Variants in ICE1 observed in about 807,000 individuals in gnomAD.
The protein encoded by ICE1 is little elongation complex subunit 1.
A neutral mutation model predicts 192.7 loss-of-function variants in ICE1; 64 were observed. The ratio of observed to expected loss-of-function variants is 0.33; its 90% CI spans 0.27 to 0.41. ICE1 has a LOEUF of 0.41. ICE1 is among the 10% of genes least tolerant of loss of function. The pLI is 1.00. For synonymous variants in ICE1, 1,010 were observed against 984.5 expected (o/e 1.03, Z -0.49); for missense variants, 2,708 against 2,696.0 (o/e 1.00, Z -0.10).
At chr5:5,433,805 A>T (rs1737792581) in intron 1 of ICE1, among the ~76,000 whole-genome samples, 1 of 152,136 alleles carries the variant, frequency 6.6e-6, no homozygotes, top group Non-Finnish European at 1.5e-5. Flanking sequence ...ACAATTCTGT[A>T]CCTAGCAAAG....
intron 4 of ICE1, 36 bp downstream of exon 4, chr5:5,439,949 T>TA: frequency 1.4e-6 from 2 of 1,460,662 alleles, no homozygotes; most frequent in South Asian, 2.6e-5. Context: ...TGATACCACC[T>TA]ATATGAGTAG....
At chr5:5,430,330 A>G (rs887880324) in intron 1 of ICE1, among the ~76,000 whole-genome samples, 3 of 152,258 alleles carry the variant, frequency 2.0e-5, no homozygotes, top group Non-Finnish European at 4.4e-5. Flanking sequence ...GAGTATTACA[A>G]TATCTGACCA....
At chr5:5,451,092 A>T (rs1017232085) in intron 10 of ICE1, among the ~76,000 whole-genome samples, 3 of 152,140 alleles carry the variant, frequency 2.0e-5, no homozygotes, top group African/African-American at 7.2e-5. Flanking sequence ...CTTTTAATAA[A>T]AATCCCCCTC....
intron 1 of ICE1, among the ~76,000 whole-genome samples, chr5:5,429,096 A>C (rs1737617409): frequency 6.6e-6 from 1 of 152,194 alleles, no homozygotes; most frequent in Non-Finnish European, 1.5e-5. Context: ...TTCCCAGTAG[A>C]GTCACACAGC....
rs764060709 is a variant in ICE1, at chr5:5,462,879, G to C, written c.3545G>C (p.Cys1182Ser). ...GAGGTTGTGATGTTTCTTGAGAGCTGTCAGTTAGGGGATTATAGTTCAGGG... is the reference window on the plus strand; with the variant it reads ...GAGGTTGTGATGTTTCTTGAGAGCTCTCAGTTAGGGGATTATAGTTCAGGG... ...TSEVVMFLES[C>S]QLGDYSSGDS... Residue 1182 changes from cysteine (C) to serine (S), a missense_variant, in exon 13 of 19, where the codon TGT (cysteine) becomes TCT (serine). Cys to Ser is a moderately radical substitution (Grantham distance 112). Transcript: ENST00000296564. 6.2e-7 allele frequency: 1 copy of C among 1,608,914 alleles called. No individual in the cohort carries two copies. Among genetic ancestry groups the C allele is most frequent in the Non-Finnish European group, 8.5e-7 (1 of 1,177,220 alleles).
At position 5,461,772 on chromosome 5, in the gene ICE1, A is replaced by C; in HGVS notation, c.2438A>C (p.Gln813Pro). The C allele has an allele frequency of 6.2e-7, 1 of 1,613,942 alleles. No individual in the cohort carries two copies. Reference protein sequence around the residue: ...ESLRAKSEHEQKTSHQLQKAM... With the variant: ...ESLRAKSEHEPKTSHQLQKAM... ...CTGAGAGCCAAATCAGAACATGAAC[A>C]GAAGACTAGCCATCAGTTACAAAAG... is the stretch of plus-strand genomic sequence containing the variant. Residue 813 changes from glutamine (Q) to proline (P), a missense_variant, in exon 13 of 19, where the codon CAG becomes CCG. Transcript: ENST00000296564.
At chr5:5,444,470 T>C (rs1368265712) in intron 7 of ICE1, 144 bp downstream of exon 7, 3 of 577,688 alleles carry the variant, frequency 5.2e-6, no homozygotes, top group Admixed American at 6.4e-5. Context: ...AGGGGTCTAT[T>C]AGAAAGAAGT....
Position 5,462,024 on chromosome 5 carries a change from G to T in ICE1, c.2690G>T (p.Gly897Val), listed in dbSNP as rs554602240. Residue 897 changes from glycine (G) to valine (V), a missense_variant, in exon 13 of 19, where the codon GGT (glycine) becomes GTT (valine). Gly to Val is a moderately radical substitution (Grantham distance 109). Around this residue, in one of 2 missense-constraint regions of ICE1, gnomAD observed 2,366 missense variants for 2,276.6 expected, o/e 1.04. Coordinates refer to ENST00000296564, the MANE Select transcript of ICE1 (RefSeq NM_015325.3). ...ACAGAAAATAGTGGCAACAAAACCG[G>T]TATGTCAACTGTAGCAAAATGTGAT... ...LVTENSGNKT[G>V]MSTVAKCDGE... 6.2e-7 allele frequency: 1 copy of T among 1,613,956 alleles called. No homozygotes were observed. Among genetic ancestry groups the T allele is most frequent in the East Asian group, 2.2e-5 (1 of 44,876 alleles).
intron 17 of ICE1, 121 bp from the exon 18 acceptor site, chr5:5,486,600 T>G: frequency 1.5e-6 from 1 of 659,792 alleles, no homozygotes; most frequent in Non-Finnish European, 2.7e-6. Context: ...TATAGGTGAT[T>G]GCAAGACGAA....
rs1397087401 is a variant in ICE1 at position 5,454,602 on chromosome 5, C to G, written c.655C>G (p.His219Asp). ...KELWLCVNTT[H>D]RLPGEGSRCV... The stretch of plus-strand genomic sequence containing the variant: ...ACTCTGGCTCTGTGTAAACACAACA[C>G]ACAGACTACCTGGTGAAGGCAGCAG... Residue 219 changes from histidine to aspartate, a missense_variant, in exon 11 of 19, where the codon CAC (histidine) becomes GAC (aspartate). Coordinates refer to ENST00000296564, the MANE Select transcript of ICE1 (RefSeq NM_015325.3). The G allele has an allele frequency of 6.2e-7, 1 of 1,613,462 alleles. No homozygotes were observed. Among genetic ancestry groups the G allele is most frequent in the African/African-American group, 1.3e-5 (1 of 74,898 alleles).
Position 5,423,017 on chromosome 5 carries a change from GC to G in ICE1, c.84+22del, listed in dbSNP as rs1341059888. 15 of 1,357,310 alleles carry G rather than the reference GC, an allele frequency of 1.1e-5. No homozygotes were observed. The highest frequency in any genetic ancestry group is 2.7e-4 in the Middle Eastern group (1 of 3,720). The allele number at this position is 1,357,310 out of a possible 1,614,324, so 84.1% of individuals were successfully genotyped here. Reference sequence around the variant, plus strand: ...TGCAGCAGGTGCAGCACCTCCCGGGGCCCCGGGCGCGGGGGGGGACTCGGCT... The same window carrying G: ...TGCAGCAGGTGCAGCACCTCCCGGGGCCCGGGCGCGGGGGGGGACTCGGCT... On this transcript the variant is annotated intron_variant, in intron 1 of 18. Transcript: ENST00000296564.
At chr5:5,441,305 T>C in intron 5 of ICE1, 82 bp downstream of exon 5, 1 of 846,578 alleles carries the variant, frequency 1.2e-6, no homozygotes, top group Non-Finnish European at 1.9e-6. Context: ...CGAGGGGGCT[T>C]TTGATGTGTT....
intron 17 of ICE1, among the ~76,000 whole-genome samples, chr5:5,479,274 G>C (rs1451309226): frequency 6.6e-6 from 1 of 151,490 alleles, no homozygotes; most frequent in Non-Finnish European, 1.5e-5. Context: ...CTATCAAAAA[G>C]TGGGCAAAGG....
At position 5,461,817 on chromosome 5, in the gene ICE1, A is replaced by G. The variant is rs372998556; in HGVS notation, c.2483A>G (p.Asn828Ser). 1.2e-6 allele frequency: 2 copies of G among 1,613,930 alleles called. No homozygotes were observed. Among genetic ancestry groups the G allele is most frequent in the Non-Finnish European group, 1.7e-6 (2 of 1,179,904 alleles). ...QLQKAMPFLQ[N>S]RGPTPKPDLL... ...CAAAAGGCAATGCCATTCCTACAAA[A>G]TAGAGGACCAACACCCAAGCCTGAT... The change falls in exon 13 of 19, where the codon AAT becomes AGT. Residue 828 changes from asparagine (N) to serine (S), a missense_variant. Asn to Ser is a conservative substitution (Grantham distance 46). Transcript: ENST00000296564.
intron 2 of ICE1, among the ~76,000 whole-genome samples, chr5:5,436,868 C>T (rs1737884778): frequency 6.6e-6 from 1 of 152,104 alleles, no homozygotes; most frequent in Admixed American, 6.6e-5. Flanking sequence ...AGCCAAGATA[C>T]TACTCAGATC....
chr5:5,489,145 T>G lies in ICE1; in HGVS notation c.6620-4T>G. ...TTTATGACTGATCTGAAATTTCTTT[T>G]CAGATATACCATGGGGTATACAGTT... On this transcript the variant is annotated splice_polypyrimidine_tract_variant and splice_region_variant and intron_variant, in intron 18 of 18. Transcript: ENST00000296564. 12 of 1,608,098 alleles carry G rather than the reference T, an allele frequency of 7.5e-6. No individual in the cohort carries two copies. The highest frequency in any genetic ancestry group is 1.0e-5 in the Non-Finnish European group (12 of 1,178,354).
chr5:5,440,761 C>A (rs995104112), intron 4 of ICE1, among the ~76,000 whole-genome samples: 8 of 151,892 alleles, frequency 5.3e-5, no homozygotes, highest in Non-Finnish European at 1.2e-4. Flanking sequence ...GTGGCACATA[C>A]CTGTAGTCCC....
Position 5,447,732 on chromosome 5 carries a change from C to T in ICE1, c.519C>T (p.Asp173=), listed in dbSNP as rs773895516. 13 of 1,583,056 alleles carry T rather than the reference C, an allele frequency of 8.2e-6. No homozygotes were observed. Among genetic ancestry groups the T allele is most frequent in the Middle Eastern group, 1.7e-4 (1 of 6,012 alleles). Residue 173 remains aspartate, a synonymous_variant, in exon 9 of 19, where the codon GAC becomes GAT. Transcript: ENST00000296564. The stretch of plus-strand genomic sequence containing the variant: ...TTTTGTTTTCACAGGAAAGGCTTGA[C>T]GAATTTTCTAAACAGAAAAATGAAA... ...KEFKKTQERL[D]EFSKQKNEKE...
Position 5,443,148 on chromosome 5 carries a change from T to A in ICE1, c.310-20T>A, listed in dbSNP as rs972600831. 4.4e-6 allele frequency: 6 copies of A among 1,356,430 alleles called. No homozygotes were observed. In the African/African-American group the frequency reaches 7.4e-5, roughly 17 times the overall value. 84.0% of individuals were successfully genotyped at this position (1,356,430 alleles called of 1,614,324 possible). On this transcript the variant is annotated intron_variant, in intron 5 of 18. Coordinates refer to ENST00000296564, the MANE Select transcript of ICE1 (RefSeq NM_015325.3). ...GTGACTTTCATTTTGACAATATCTG[T>A]TTTTTTTCTTTTTTTAAAGAGTTCT... is the stretch of plus-strand genomic sequence containing the variant.
Sources: allele counts gnomAD v4.1 joint callset (sites outside exome capture counted in the v4.1 genomes callset), GRCh38; gene constraint gnomAD v4.1.1; regional missense constraint gnomAD v4.1.1; transcripts MANE v1.5; gene names NCBI Gene and HGNC (gene_info 2026-07-23, HGNC 2026-07-21).